Variants in ABCD4 observed in about 807,000 individuals in gnomAD.
The protein encoded by ABCD4 is ATP binding cassette subfamily D member 4, also known as lysosomal cobalamin transporter ABCD4.
ABCD4 carries 53 observed loss-of-function variants against 86.3 expected under a neutral mutation model. The ratio of observed to expected loss-of-function variants is 0.61; its 90% confidence interval spans 0.49 to 0.77. The LOEUF is 0.77. Among genes scored for constraint, ABCD4 ranks in the 30% least tolerant of loss-of-function variants. The pLI is 0.00. For synonymous variants in ABCD4, 328 were observed against 313.6 expected (o/e 1.05, Z -0.49); for missense variants, 757 against 764.5 (o/e 0.99, Z 0.12).
At chr14:74,302,391 A>T (rs1399123863) in intron 1 of ABCD4, among the ~76,000 whole-genome samples, 1 of 152,236 alleles carries the variant, frequency 6.6e-6, no homozygotes, top group Non-Finnish European at 1.5e-5. Context: ...TATAGATTTC[A>T]AAGTAACACT....
intron 7 of ABCD4, chr14:74,294,761 T>C (rs2139973306): frequency 5.3e-6 from 1 of 189,892 alleles, no homozygotes; most frequent in Admixed American, 5.8e-5. Flanking sequence ...TCCCATTCCA[T>C]CCCACGCTAC....
intron 7 of ABCD4, chr14:74,294,427 T>C (rs1000936926): frequency 2.0e-5 from 3 of 152,290 alleles, no homozygotes; most frequent in Non-Finnish European, 4.4e-5. Flanking sequence ...TTCCCAGTAT[T>C]CTTGGTGCCC....
At position 74,288,729 on chromosome 14, in the gene ABCD4, T is replaced by C. The variant is rs1302617666; in HGVS notation, c.1493A>G (p.Glu498Gly). Residue 498 changes from glutamate (E) to glycine (G), a missense_variant, in exon 15 of 19, where the codon GAA (glutamate) becomes GGA (glycine). Transcript: ENST00000356924. The part of the protein sequence containing the change: ...ADDERILRFL[E>G]LAGLSNLVAR... The stretch of plus-strand genomic sequence containing the variant: ...CTCCCCACTTACCAGGCCTGCCAAT[T>C]CCAAGAACCTCAAGATCCTCTCATC... 1.9e-6 allele frequency: 3 copies of C among 1,613,470 alleles called. No individual in the cohort carries two copies. The highest frequency in any genetic ancestry group is 4.5e-5 in the East Asian group (2 of 44,860).
intron 3 of ABCD4, chr14:74,299,236 C>T (rs921767378): frequency 3.2e-5 from 8 of 247,832 alleles, no homozygotes; most frequent in Admixed American, 1.0e-4. Flanking sequence ...GCTGCTGAGC[C>T]GTTTTAATGA....
chr14:74,292,679 T>A (rs759268760), intron 9 of ABCD4, 37 bp from the exon 10 acceptor site: 22 of 1,613,824 alleles, frequency 1.4e-5, no homozygotes, highest in Non-Finnish European at 1.9e-5. Context: ...AGGTCTCGAC[T>A]CGAGCCCACA....
Position 74,295,216 on chromosome 14 carries a change from A to C in ABCD4, c.669-18T>G. 1 of 1,614,130 alleles carries C rather than the reference A, an allele frequency of 6.2e-7. No individual in the cohort carries two copies. The highest frequency in any genetic ancestry group is 8.5e-7 in the Non-Finnish European group (1 of 1,179,958). On this transcript the variant is annotated intron_variant, in intron 6 of 18. Coordinates refer to ENST00000356924, the MANE Select transcript of ABCD4 (RefSeq NM_005050.4). Reference sequence around the variant, plus strand: ...GCTTGAACCTGGGCGGACCAAAGGGAAATGTGTGCTGACAACAGGGAGTAC... The same window carrying C: ...GCTTGAACCTGGGCGGACCAAAGGGCAATGTGTGCTGACAACAGGGAGTAC...
At chr14:74,289,383 C>T in intron 14 of ABCD4, 100 bp downstream of exon 14, 1 of 1,545,832 alleles carries the variant, frequency 6.5e-7, no homozygotes, top group South Asian at 1.2e-5. Flanking sequence ...AGCGGCCTGG[C>T]TGGAGCCTCT....
intron 8 of ABCD4, 127 bp downstream of exon 8, chr14:74,293,027 C>G: frequency 6.9e-7 from 1 of 1,442,722 alleles, no homozygotes; most frequent in Non-Finnish European, 9.6e-7. Context: ...AGCCCCCCCT[C>G]CTCATCCCCG....
At chr14:74,298,473 C>T (rs1227969793) in intron 3 of ABCD4, among the ~76,000 whole-genome samples, 3 of 152,030 alleles carry the variant, frequency 2.0e-5, no homozygotes, top group Non-Finnish European at 2.9e-5. Flanking sequence ...GTTTCTCCAT[C>T]TTGGTCAGGC....
At position 74,287,851 on chromosome 14, in the gene ABCD4, A is replaced by G. The variant is rs1372300303; in HGVS notation, c.1595T>C (p.Leu532Pro). The G allele has an allele frequency of 6.2e-7, 1 of 1,613,260 alleles. No homozygotes were observed. Among genetic ancestry groups the G allele is most frequent in the Non-Finnish European group, 8.5e-7 (1 of 1,179,656 alleles). The change falls in exon 17 of 19, where the codon CTC becomes CCC. Residue 532 changes from leucine (L) to proline (P), a missense_variant. Transcript: ENST00000356924. ...CAGGTAGAAGAGTCGGGCAAAGGAG[A>G]GCCGTTGCATCTCCCCCGGGGACAG... Reference protein sequence around the residue: ...DVLSPGEMQRLSFARLFYLQP... With the variant: ...DVLSPGEMQRPSFARLFYLQP...
chr14:74,289,737 C>T (rs2080941359), intron 13 of ABCD4: 9 of 1,434,904 alleles, frequency 6.3e-6, no homozygotes, highest in Non-Finnish European at 8.2e-6. Context: ...TGACAGCCTC[C>T]TGAGGGCAGG....
intron 11 of ABCD4, among the ~76,000 whole-genome samples, chr14:74,290,819 G>A (rs2081306380): frequency 6.6e-6 from 1 of 151,610 alleles, no homozygotes; most frequent in South Asian, 2.1e-4. Flanking sequence ...TGAGTAGCTG[G>A]ATTACAGGTG....
At chr14:74,289,285 C>A in intron 14 of ABCD4, 198 bp downstream of exon 14, 1 of 1,396,850 alleles carries the variant, frequency 7.2e-7, no homozygotes, top group Non-Finnish European at 9.3e-7. Flanking sequence ...GGGCATCTCT[C>A]CTTAAGGACA....
chr14:74,295,445 TCA>T (rs2082605475), intron 6 of ABCD4, among the ~76,000 whole-genome samples: 1 of 152,134 alleles, frequency 6.6e-6, no homozygotes, highest in African/African-American at 2.4e-5. Flanking sequence ...GTATTCCTGC[TCA>T]CAGCATCTCC....
At position 74,302,918 on chromosome 14, in the gene ABCD4, G is replaced by A. The variant is rs1411279548; in HGVS notation, c.-6C>T. On this transcript the variant is annotated 5_prime_UTR_variant, in exon 1 of 19. Coordinates refer to ENST00000356924, the MANE Select transcript of ABCD4 (RefSeq NM_005050.4). ...GCGGGCCCCGCGACCGCCATGACCT[G>A]AGACCCGAGGGACTCTGGAGCCCAG... The A allele has an allele frequency of 6.8e-6, 11 of 1,607,960 alleles. No individual in the cohort carries two copies. Among genetic ancestry groups the A allele is most frequent in the Non-Finnish European group, 9.3e-6 (11 of 1,177,528 alleles).
chr14:74,292,676 G>T, intron 9 of ABCD4, 34 bp from the exon 10 acceptor site: 2 of 1,613,828 alleles, frequency 1.2e-6, no homozygotes, highest in South Asian at 2.2e-5. Flanking sequence ...AGCAGGTCTC[G>T]ACTCGAGCCC....
rs61757464 is a variant in ABCD4 at position 74,295,847 on chromosome 14, G to A, written c.668+7C>T. On this transcript the variant is annotated splice_region_variant and intron_variant, in intron 6 of 18. Coordinates refer to ENST00000356924, the MANE Select transcript of ABCD4 (RefSeq NM_005050.4). ...CAGCCCAGAAACCTCAAGTGAGGGA[G>A]ACACACCTAAAATCTCCCTCCAGCT... is the stretch of plus-strand genomic sequence containing the variant. 19,720 of 1,613,268 alleles carry A rather than the reference G, an allele frequency of 0.012. 2,022 individuals are homozygous for A. The African/African-American group carries it at 0.23, about 19-fold the overall frequency.
At chr14:74,291,870 C>T (rs74063807) in intron 11 of ABCD4, among the ~76,000 whole-genome samples, 9,843 of 152,158 alleles carry the variant, frequency 0.065, 1,079 homozygotes, top group African/African-American at 0.23. Flanking sequence ...GTGTGGAGAT[C>T]AAGCAAATCC....
rs1218693756 is a variant in ABCD4 at position 74,290,470 on chromosome 14, G to A, written c.1148C>T (p.Ala383Val). Residue 383 changes from alanine (A) to valine (V), a missense_variant, in exon 12 of 19, where the codon GCA becomes GTA. Transcript: ENST00000356924. ...TPPGWPAAEPADTAFLLERVS... is the reference protein window; with the variant it reads ...TPPGWPAAEPVDTAFLLERVS... ...CCGCTCAAGGAGAAATGCTGTGTCT[G>A]CTGGCTCTGCCGCTGGCCACCCTGG... 3.1e-6 allele frequency: 5 copies of A among 1,613,750 alleles called. No homozygotes were observed. The highest frequency in any genetic ancestry group is 1.3e-5 in the African/African-American group (1 of 74,898).
Sources: allele counts gnomAD v4.1 joint callset (sites outside exome capture counted in the v4.1 genomes callset), GRCh38; gene constraint gnomAD v4.1.1; transcripts MANE v1.5; gene names NCBI Gene and HGNC (gene_info 2026-07-23, HGNC 2026-07-21).